Variants in MCOLN2 observed in about 807,000 individuals in gnomAD.
The protein encoded by MCOLN2 is mucolipin-2.
MCOLN2 carries 57 observed loss-of-function variants against 67.5 expected under a neutral mutation model. The ratio of observed to expected loss-of-function variants is 0.84; its 90% CI spans 0.68 to 1.05. MCOLN2 has a LOEUF of 1.05. Ranked by LOEUF, MCOLN2 falls within the 50% of genes least tolerant of loss-of-function variation. The pLI is 0.00. For missense variants in MCOLN2, 620 were observed against 678.8 expected (o/e 0.91, Z 0.96); for synonymous variants, 246 against 233.3 (o/e 1.05, Z -0.50).
At chr1:84,981,536 G>A (rs1650255577) in intron 1 of MCOLN2, among the ~76,000 whole-genome samples, 1 of 152,204 alleles carries the variant, frequency 6.6e-6, no homozygotes, top group South Asian at 2.1e-4. Context: ...ATTATGTTAA[G>A]TAAAATAAGC....
chr1:84,974,701 G>A (rs1649910573), intron 1 of MCOLN2, among the ~76,000 whole-genome samples: 1 of 152,034 alleles, frequency 6.6e-6, no homozygotes, highest in African/African-American at 2.4e-5. Context: ...GTTCATCTCG[G>A]CTATTGGGGG....
At chr1:84,994,245 T>C (rs1280302227) in intron 1 of MCOLN2, among the ~76,000 whole-genome samples, 1 of 152,204 alleles carries the variant, frequency 6.6e-6, no homozygotes, top group African/African-American at 2.4e-5. Context: ...CTAGGATTTT[T>C]GGAATGGTAA....
At chr1:84,941,143 T>G in intron 7 of MCOLN2, 152 bp from the exon 8 acceptor site, 2 of 611,314 alleles carry the variant, frequency 3.3e-6, no homozygotes, top group Non-Finnish European at 5.8e-6. Context: ...CACACCGCAT[T>G]CATTCAGAAG....
intron 1 of MCOLN2, among the ~76,000 whole-genome samples, chr1:84,986,404 G>C (rs6704051): frequency 0.014 from 2,073 of 152,180 alleles, 50 homozygotes; most frequent in African/African-American, 0.048. Flanking sequence ...GCCAGGCATG[G>C]TGGTGGCGCA....
intron 1 of MCOLN2, among the ~76,000 whole-genome samples, chr1:84,974,078 C>T (rs1192240792): frequency 2.6e-5 from 4 of 152,144 alleles, no homozygotes; most frequent in Non-Finnish European, 4.4e-5. Flanking sequence ...TGATGCCCAC[C>T]CACGGAGGGA....
intron 1 of MCOLN2, among the ~76,000 whole-genome samples, chr1:84,979,017 G>C (rs1387285063): frequency 6.6e-6 from 1 of 152,064 alleles, no homozygotes; most frequent in Admixed American, 6.6e-5. Flanking sequence ...GACTAGGCCA[G>C]TCTCTCTTTT....
chr1:84,997,056 C>G lies in MCOLN2; in HGVS notation c.-184G>C. 1.7e-6 allele frequency: 1 copy of G among 603,950 alleles called. No individual in the cohort carries two copies. The highest frequency in any genetic ancestry group is 3.0e-5 in the Admixed American group (1 of 33,510). 37.4% of individuals were successfully genotyped at this position (603,950 alleles called of 1,614,324 possible). A position where few individuals can be genotyped will look rare whatever the true frequency, so the allele number is the denominator to read the frequency against. Reference sequence around the variant, plus strand: ...GCGCAGACCCCGGCCCGAGAGCAGGCGCCGCAGTCGTGGAGTGCGGCGGGC... The same window carrying G: ...GCGCAGACCCCGGCCCGAGAGCAGGGGCCGCAGTCGTGGAGTGCGGCGGGC... On this transcript the variant is annotated 5_prime_UTR_variant, in exon 1 of 14. Transcript: ENST00000370608.
chr1:84,949,648 A>C (rs2102830790), intron 6 of MCOLN2, among the ~76,000 whole-genome samples: 1 of 152,302 alleles, frequency 6.6e-6, no homozygotes, highest in African/African-American at 2.4e-5. Context: ...CCGTCTCAAA[A>C]AATAAAAATA....
At chr1:84,981,702 A>G (rs1458103835) in intron 1 of MCOLN2, among the ~76,000 whole-genome samples, 1 of 152,180 alleles carries the variant, frequency 6.6e-6, no homozygotes, top group Non-Finnish European at 1.5e-5. Context: ...GGCAGTAGGG[A>G]TGGGTTAATG....
intron 1 of MCOLN2, among the ~76,000 whole-genome samples, chr1:84,975,287 A>G (rs1279929006): frequency 6.6e-6 from 1 of 152,202 alleles, no homozygotes; most frequent in Non-Finnish European, 1.5e-5. Flanking sequence ...CAGAGGTAGT[A>G]GCCACAGGGG....
At chr1:84,949,447 G>C (rs960694415) in intron 6 of MCOLN2, among the ~76,000 whole-genome samples, 4 of 152,038 alleles carry the variant, frequency 2.6e-5, no homozygotes, top group African/African-American at 7.2e-5. Flanking sequence ...GACCATCCTA[G>C]CTAACACGGT....
At chr1:84,937,440 C>A in intron 11 of MCOLN2, 1 of 279,872 alleles carries the variant, frequency 3.6e-6, no homozygotes, top group Non-Finnish European at 5.9e-6. Flanking sequence ...ACTTAATTTT[C>A]ATTTTTAATA....
intron 1 of MCOLN2, among the ~76,000 whole-genome samples, chr1:84,977,675 T>C (rs1447587132): frequency 6.6e-6 from 1 of 152,098 alleles, no homozygotes; most frequent in Non-Finnish European, 1.5e-5. Context: ...AGGGGTCAAT[T>C]CAGCAAGAGG....
intron 1 of MCOLN2, among the ~76,000 whole-genome samples, chr1:84,982,346 A>G (rs1650299952): frequency 6.6e-6 from 1 of 152,188 alleles, no homozygotes; most frequent in Non-Finnish European, 1.5e-5. Context: ...TATGTTGGCC[A>G]GGTTGGTCTT....
chr1:84,985,476 T>C (rs1650462058), intron 1 of MCOLN2, among the ~76,000 whole-genome samples: 1 of 152,214 alleles, frequency 6.6e-6, no homozygotes, highest in Admixed American at 6.5e-5. Flanking sequence ...GGTTTCCATA[T>C]TTGCATCTCC....
At chr1:84,983,823 C>A (rs372102526) in intron 1 of MCOLN2, among the ~76,000 whole-genome samples, 1 of 151,652 alleles carries the variant, frequency 6.6e-6, no homozygotes, top group East Asian at 1.9e-4. Flanking sequence ...ATTACAGGCG[C>A]ACGCCTCCAC....
At chr1:84,934,956 G>A (rs766979516) in intron 11 of MCOLN2, among the ~76,000 whole-genome samples, 5 of 152,142 alleles carry the variant, frequency 3.3e-5, no homozygotes, top group Admixed American at 6.6e-5. Flanking sequence ...TCAGTCAAAC[G>A]GTTTTCCTAA....
chr1:84,953,406 C>T (rs974294932), intron 4 of MCOLN2, among the ~76,000 whole-genome samples: 1 of 151,928 alleles, frequency 6.6e-6, no homozygotes, highest in Non-Finnish European at 1.5e-5. Flanking sequence ...AAAATTTAGC[C>T]GGGCGTGGTG....
At chr1:84,979,596 C>T (rs1650159246) in intron 1 of MCOLN2, among the ~76,000 whole-genome samples, 2 of 152,224 alleles carry the variant, frequency 1.3e-5, no homozygotes, top group Middle Eastern at 6.8e-3. Context: ...TCAATTGATG[C>T]TGAAAAAGCA....
Sources: allele counts gnomAD v4.1 joint callset (sites outside exome capture counted in the v4.1 genomes callset), GRCh38; gene constraint gnomAD v4.1.1; transcripts MANE v1.5; gene names NCBI Gene and HGNC (gene_info 2026-07-23, HGNC 2026-07-21).